The following DCHS1 variants were observed in gnomAD, a reference collection of about 807,000 sequenced individuals.
The protein encoded by DCHS1 is protocadherin-16.
DCHS1 carries 78 observed loss-of-function variants against 213.9 expected under a neutral mutation model. The ratio of observed to expected loss-of-function variants is 0.36; its 90% CI spans 0.30 to 0.44. DCHS1 has a LOEUF of 0.44. Among genes scored for constraint, DCHS1 ranks in the 20% least tolerant of loss-of-function variants. The probability of loss-of-function intolerance (pLI) is 1.00; values close to 1 mark genes in which losing one functional copy is unlikely to be tolerated. For synonymous variants in DCHS1, 1,828 were observed against 1,873.7 expected, an observed-to-expected ratio of 0.98 and a Z score of 0.63; for missense variants, 3,946 against 4,395.9, an observed-to-expected ratio of 0.90 and a Z score of 2.89.
At chr11:6,652,967 T>C (rs1025477609) in intron 1 of DCHS1, among the ~76,000 whole-genome samples, 2 of 152,218 alleles carry the variant, frequency 1.3e-5, no homozygotes, top group African/African-American at 4.8e-5. Flanking sequence ...CCAACTGTCC[T>C]TCTTCTCAGG....
At position 6,626,352 on chromosome 11, in the gene DCHS1, C is replaced by T. The variant is rs369304484; in HGVS notation, c.6393G>A (p.Gly2131=). 7.4e-6 allele frequency: 12 copies of T among 1,613,550 alleles called. No individual in the cohort carries two copies. Among genetic ancestry groups the T allele is most frequent in the Non-Finnish European group, 1.7e-6 (2 of 1,179,696 alleles). ...GCCGTGGACTCACCTCGAAGTCTAGCCCCTCTGCTGAGCGAACTGTGATGG... is the reference window on the plus strand; with the variant it reads ...GCCGTGGACTCACCTCGAAGTCTAGTCCCTCTGCTGAGCGAACTGTGATGG... The part of the protein sequence containing the change: ...TGAITVRSAE[G]LDFEVSPRLR... The change falls in exon 16 of 21, where the codon GGG becomes GGA. Residue 2131 remains glycine (G), a synonymous_variant. Transcript: ENST00000299441. This position sits in a 1 kb window ranked among gnomAD's most constrained non-coding sequence, Gnocchi z 5.2.
At position 6,627,218 on chromosome 11, in the gene DCHS1, T is replaced by C. The variant is rs1564861778; in HGVS notation, c.5821A>G (p.Ser1941Gly). ...GTGATGGTGACAGACACTGTGGTGC[T>C]TAGGGGCCCAGCAGCTGCACCATCC... is the stretch of plus-strand genomic sequence containing the variant. ...AVDGAAAGPL[S>G]TTVSVTITVR... Residue 1941 changes from serine (S) to glycine (G), a missense_variant, in exon 14 of 21, where the codon AGC becomes GGC. Physicochemically the swap from Ser to Gly is moderately conservative, Grantham distance 56. Coordinates refer to ENST00000299441, the MANE Select transcript of DCHS1 (RefSeq NM_003737.4). This position sits in a 1 kb window ranked among gnomAD's most constrained non-coding sequence, Gnocchi z 5.4. 1.2e-6 allele frequency: 2 copies of C among 1,613,204 alleles called. No homozygotes were observed. Among genetic ancestry groups the C allele is most frequent in the Non-Finnish European group, 1.7e-6 (2 of 1,179,856 alleles).
chr11:6,646,616 A>G (rs1856159234), intron 1 of DCHS1, among the ~76,000 whole-genome samples: 1 of 151,572 alleles, frequency 6.6e-6, no homozygotes, highest in Admixed American at 6.6e-5. Context: ...CTTCTTCCAA[A>G]TCTGTCATGG....
At chr11:6,648,161 C>T (rs1006702040) in intron 1 of DCHS1, among the ~76,000 whole-genome samples, 1 of 152,096 alleles carries the variant, frequency 6.6e-6, no homozygotes, top group Non-Finnish European at 1.5e-5. Context: ...AGCATAGAGA[C>T]CAGGGTTGGA....
intron 20 of DCHS1, 70 bp from the exon 21 acceptor site, chr11:6,624,460 C>T (rs886756442): frequency 2.8e-6 from 4 of 1,454,230 alleles, no homozygotes; most frequent in Middle Eastern, 1.8e-4. Context: ...AGTGACCCTT[C>T]AGGATCTAGG....
In DCHS1 at chr11:6,641,241, C is replaced by T. The variant is rs1053226189; in HGVS notation, c.373G>A (p.Ala125Thr). The change falls in exon 2 of 21, where the codon GCC (alanine) becomes ACC (threonine). Residue 125 changes from alanine to threonine, a missense_variant. Coordinates refer to ENST00000299441, the MANE Select transcript of DCHS1 (RefSeq NM_003737.4). This position sits in a 1 kb window ranked among gnomAD's most constrained non-coding sequence, Gnocchi z 7.1. ...ACTCGCACTGTAACTTCTACGGTGGCACCATCAGGAGTGACTGCAGTGAAG... is the reference window on the plus strand; with the variant it reads ...ACTCGCACTGTAACTTCTACGGTGGTACCATCAGGAGTGACTGCAGTGAAG... ...YRFTAVTPDGATVEVTVRVAD... is the reference protein window; with the variant it reads ...YRFTAVTPDGTTVEVTVRVAD... 2 of 1,613,626 alleles carry T rather than the reference C, an allele frequency of 1.2e-6. No homozygotes were observed. Among genetic ancestry groups the T allele is most frequent in the Non-Finnish European group, 1.7e-6 (2 of 1,179,900 alleles).
chr11:6,646,946 G>C (rs1278241337), intron 1 of DCHS1, among the ~76,000 whole-genome samples: 2 of 152,094 alleles, frequency 1.3e-5, no homozygotes, highest in Non-Finnish European at 2.9e-5. Context: ...ACAAGGGAAG[G>C]GGGTGCTCCA....
chr11:6,629,933 T>TAAGGCAG (rs1564863314), intron 10 of DCHS1, 22 bp from the exon 11 acceptor site: 1 of 1,607,672 alleles, frequency 6.2e-7, no homozygotes, highest in South Asian at 1.1e-5. Context: ...GTAAGGCAGG[T>TAAGGCAG]TGGTGGGGAC....
intron 5 of DCHS1, 83 bp downstream of exon 5, chr11:6,633,329 T>C: frequency 1.4e-6 from 2 of 1,389,150 alleles, no homozygotes; most frequent in Non-Finnish European, 2.0e-6. Flanking sequence ...CCTGTGATAC[T>C]CTAAGGTATC....
chr11:6,647,290 G>A (rs1856175636), intron 1 of DCHS1, among the ~76,000 whole-genome samples: 2 of 152,180 alleles, frequency 1.3e-5, no homozygotes. Context: ...TCAGAAAGGG[G>A]AGGTGAGTTG....
chr11:6,623,828 A>T lies in DCHS1; in HGVS notation c.7848T>A (p.Pro2616=), dbSNP rs780328032. 19 of 1,613,604 alleles carry T rather than the reference A, an allele frequency of 1.2e-5. No homozygotes were observed. The highest frequency in any genetic ancestry group is 1.6e-5 in the Non-Finnish European group (19 of 1,179,522). The change falls in exon 21 of 21, where the codon CCT becomes CCA. Residue 2616 remains proline, a synonymous_variant. Transcript: ENST00000299441. The part of the protein sequence containing the change: ...SYRVTVPEDT[P]VGAELLHVEA... ...CTACATGCAGCAGCTCAGCTCCAAC[A>T]GGTGTGTCCTCAGGTACTGTCACAC...
At position 6,631,718 on chromosome 11, in the gene DCHS1, G is replaced by A; in HGVS notation, c.3573C>T (p.Arg1191=). Residue 1191 remains arginine, a synonymous_variant, in exon 7 of 21, where the codon CGC becomes CGT. Coordinates refer to ENST00000299441, the MANE Select transcript of DCHS1 (RefSeq NM_003737.4). The part of the protein sequence containing the change: ...VQVQDGGSPP[R]STTGTVHVAV... ...CAACATGCACAGTGCCTGTGGTGCTGCGGGGTGGGCTCCCTCCATCCTGCA... is the reference window on the plus strand; with the variant it reads ...CAACATGCACAGTGCCTGTGGTGCTACGGGGTGGGCTCCCTCCATCCTGCA... 8.1e-6 allele frequency: 13 copies of A among 1,610,158 alleles called. No homozygotes were observed. The highest frequency in any genetic ancestry group is 1.1e-5 in the Non-Finnish European group (13 of 1,178,050).
chr11:6,627,778 G>T lies in DCHS1; in HGVS notation c.5372-111C>A. 8.5e-7 allele frequency: 1 copy of T among 1,170,518 alleles called. No individual in the cohort carries two copies. The highest frequency in any genetic ancestry group is 1.6e-5 in the African/African-American group (1 of 64,500). The allele number at this position is 1,170,518 out of a possible 1,614,324, so 72.5% of individuals were successfully genotyped here. A position where few individuals can be genotyped will look rare whatever the true frequency, so the allele number is the denominator to read the frequency against. ...GCACAAAAGCAAGTGAACCTTATGA[G>T]AGAAAGGAAGAAAAACAGAAACAGA... is the stretch of plus-strand genomic sequence containing the variant. On this transcript the variant is annotated intron_variant, in intron 13 of 20. Transcript: ENST00000299441. This position sits in a 1 kb window ranked among gnomAD's most constrained non-coding sequence, Gnocchi z 5.4.
chr11:6,623,732 C>T lies in DCHS1; in HGVS notation c.7944G>A (p.Gly2648=). Residue 2648 remains glycine, a synonymous_variant, in exon 21 of 21, where the codon GGG becomes GGA. Coordinates refer to ENST00000299441, the MANE Select transcript of DCHS1 (RefSeq NM_003737.4). The stretch of plus-strand genomic sequence containing the variant: ...CTGAGCTCTCATCCAGCTCAAAGAG[C>T]CCTGATGGGTCGCCTGAGCTGACAG... ...RFTVSSGDPS[G]LFELDESSGT... is the part of the protein sequence containing the mutation. 6.2e-7 allele frequency: 1 copy of T among 1,613,902 alleles called. No individual in the cohort carries two copies. Among genetic ancestry groups the T allele is most frequent in the Non-Finnish European group, 8.5e-7 (1 of 1,179,902 alleles).
Position 6,623,755 on chromosome 11 carries a change from C to A in DCHS1, c.7921G>T (p.Val2641Phe), listed in dbSNP as rs762229735. ...PGPHGLVRFT[V>F]SSGDPSGLFE... ...AGCCCTGATGGGTCGCCTGAGCTGA[C>A]AGTGAAACGCACGAGGCCATGAGGG... Residue 2641 changes from valine (V) to phenylalanine (F), a missense_variant, in exon 21 of 21, where the codon GTC (valine) becomes TTC (phenylalanine). By Grantham distance (50) the Val-to-Phe change is conservative. Coordinates refer to ENST00000299441, the MANE Select transcript of DCHS1 (RefSeq NM_003737.4). 1.2e-6 allele frequency: 2 copies of A among 1,613,956 alleles called. No individual in the cohort carries two copies. The highest frequency in any genetic ancestry group is 3.3e-5 in the Admixed American group (2 of 60,030).
chr11:6,629,374 T>G (rs1257148781), intron 12 of DCHS1, 78 bp downstream of exon 12: 1 of 1,538,234 alleles, frequency 6.5e-7, no homozygotes, highest in African/African-American at 1.4e-5. Flanking sequence ...TAAAAGGTAG[T>G]ACTTTGGGTA....
intron 1 of DCHS1, among the ~76,000 whole-genome samples, chr11:6,652,401 T>C (rs1399950967): frequency 6.6e-6 from 1 of 152,218 alleles, no homozygotes; most frequent in Non-Finnish European, 1.5e-5. Flanking sequence ...GGAACAGCTA[T>C]ATGCAGAAGA....
At position 6,626,898 on chromosome 11, in the gene DCHS1, A is replaced by T. The variant is rs368685293; in HGVS notation, c.6141T>A (p.Ala2047=). Residue 2047 remains alanine, a synonymous_variant, in exon 14 of 21, where the codon GCT becomes GCA. Transcript: ENST00000299441. The surrounding 1 kb of genome is among the most constrained non-coding windows in gnomAD (Gnocchi z 5.2). ...CAATGATCACACCAGTGGCAGAGCG[A>T]GCTGGACGGCCAAGATCAGTGGCCA... is the stretch of plus-strand genomic sequence containing the variant. ...FIVATDLGRP[A]RSATGVIIVG... is the part of the protein sequence containing the mutation. 2.5e-6 allele frequency: 4 copies of T among 1,613,364 alleles called. No individual in the cohort carries two copies. The African/African-American group carries it at 5.3e-5, about 22-fold the overall frequency.
At position 6,640,226 on chromosome 11, in the gene DCHS1, G is replaced by A; in HGVS notation, c.1388C>T (p.Thr463Ile). 1.2e-6 allele frequency: 2 copies of A among 1,612,896 alleles called. No homozygotes were observed. The highest frequency in any genetic ancestry group is 2.2e-5 in the South Asian group (2 of 90,810). Residue 463 changes from threonine (T) to isoleucine (I), a missense_variant, in exon 2 of 21, where the codon ACT becomes ATT. Thr to Ile is a moderately conservative substitution (Grantham distance 89). This residue lies in a region of DCHS1 where 3,384 missense variants were observed against 3,780.1 expected (regional missense o/e 0.90). Transcript: ENST00000299441. The surrounding 1 kb of genome is among the most constrained non-coding windows in gnomAD (Gnocchi z 6.5). The stretch of plus-strand genomic sequence containing the variant: ...GGCAGGTGCATTGTCGTTGACATCA[G>A]TGACGTGCAGCACAAAGGCAGCCTC... ...RAEAAFVLHV[T>I]DVNDNAPAFD...
Sources: gnomAD v4.1 joint callset for allele counts (sites outside exome capture counted in the v4.1 genomes callset) on GRCh38, gnomAD v4.1.1 for gene constraint, gnomAD v4.1.1 regional missense constraint, Gnocchi (gnomAD v3.1) non-coding constraint, MANE v1.5 for transcripts, NCBI Gene and HGNC (gene_info 2026-07-23, HGNC 2026-07-21) for gene names.